The following GRIN2A variants were observed in gnomAD, a reference collection of about 807,000 sequenced individuals.
GRIN2A encodes glutamate receptor ionotropic, NMDA 2A.
A neutral mutation model predicts 113.4 loss-of-function variants in GRIN2A; 22 were observed. That is an observed-to-expected ratio of 0.19 (90% CI 0.14 to 0.28). GRIN2A has a LOEUF of 0.28. GRIN2A is among the 10% of genes least tolerant of loss of function. GRIN2A has a pLI of 1.00. For synonymous variants in GRIN2A, 827 were observed against 738.4 expected (o/e 1.12, Z -1.94); for missense variants, 1,502 against 1,887.0 (o/e 0.80, Z 3.78).
At chr16:10,163,524 T>G (rs961822506) in intron 2 of GRIN2A, among the ~76,000 whole-genome samples, 1 of 152,144 alleles carries the variant, frequency 6.6e-6, no homozygotes, top group Non-Finnish European at 1.5e-5. Context: ...TGTGCACTGG[T>G]GCAGCAGAAC....
chr16:10,175,184 T>A (rs976081106), intron 2 of GRIN2A, among the ~76,000 whole-genome samples: 1 of 152,258 alleles, frequency 6.6e-6, no homozygotes, highest in Non-Finnish European at 1.5e-5. Flanking sequence ...AAGTGCACTC[T>A]GTGATGTTCA....
intron 2 of GRIN2A, among the ~76,000 whole-genome samples, chr16:9,945,403 G>T (rs1364972180): frequency 6.6e-6 from 1 of 152,056 alleles, no homozygotes; most frequent in Non-Finnish European, 1.5e-5. Flanking sequence ...CAAGTTCAGG[G>T]AACAGAAGGA....
chr16:10,044,250 T>A (rs1266605531), intron 2 of GRIN2A, among the ~76,000 whole-genome samples: 1 of 152,120 alleles, frequency 6.6e-6, no homozygotes, highest in South Asian at 2.1e-4. Flanking sequence ...GCCAGGCTGG[T>A]CTTGAAGTCC....
intron 2 of GRIN2A, among the ~76,000 whole-genome samples, chr16:10,149,772 C>T (rs567741283): frequency 6.6e-6 from 1 of 152,332 alleles, no homozygotes; most frequent in Admixed American, 6.5e-5. Context: ...ACTATCCATG[C>T]AGCATCCAGA....
At chr16:10,124,781 A>C (rs1237257750) in intron 2 of GRIN2A, among the ~76,000 whole-genome samples, 1 of 152,188 alleles carries the variant, frequency 6.6e-6, no homozygotes, top group East Asian at 1.9e-4. Context: ...GAAGAGACAG[A>C]AACATGTAAA....
At chr16:9,798,223 G>T in intron 11 of GRIN2A, 54 bp downstream of exon 11, 2 of 1,440,200 alleles carry the variant, frequency 1.4e-6, no homozygotes, top group South Asian at 1.2e-5. Flanking sequence ...AGCAAACAAA[G>T]CGAGTGTGAG....
intron 2 of GRIN2A, among the ~76,000 whole-genome samples, chr16:10,050,664 T>C (rs2047343062): frequency 6.6e-6 from 1 of 152,106 alleles, no homozygotes. Context: ...TATATTATAA[T>C]GTAATAATAG....
At chr16:10,060,325 G>A (rs1049709305) in intron 2 of GRIN2A, among the ~76,000 whole-genome samples, 26 of 152,122 alleles carry the variant, frequency 1.7e-4, no homozygotes, top group Admixed American at 3.9e-4. Context: ...TGTGCTTCAC[G>A]TTTTCTGATG....
chr16:9,829,387 A>G, intron 9 of GRIN2A, 36 bp downstream of exon 9: 1 of 1,388,648 alleles, frequency 7.2e-7, no homozygotes, highest in Non-Finnish European at 1.0e-6. Context: ...AGTTAAGACC[A>G]ACCCTCAGAT....
chr16:9,909,932 TA>T (rs1160577824), intron 3 of GRIN2A, among the ~76,000 whole-genome samples: 36 of 152,324 alleles, frequency 2.4e-4, no homozygotes, highest in African/African-American at 8.7e-4. Context: ...CAAAAAGTAA[TA>T]CATGTATTTC....
Position 10,136,683 on chromosome 16 carries a change from GAAT to G in GRIN2A, c.414+43312_414+43314del, listed in dbSNP as rs766798668. Among the ~76,000 whole-genome samples, 33 of 152,310 alleles carry G rather than the reference GAAT, an allele frequency of 2.2e-4. No individual in the cohort carries two copies. The East Asian group carries it at 6.4e-3, about 29-fold the overall frequency. ...ATCTGTCAGTGGAAATGTCTTGAAA[GAAT>G]AAGTTCACTCCACCTTCACAAGGAT... On this transcript the variant is annotated intron_variant, in intron 2 of 12. Coordinates refer to ENST00000330684, the MANE Select transcript of GRIN2A (RefSeq NM_001134407.3).
chr16:9,765,057 C>G (rs910521055), intron 12 of GRIN2A, 109 bp from the exon 13 acceptor site: 10 of 1,441,228 alleles, frequency 6.9e-6, no homozygotes, highest in Non-Finnish European at 9.6e-6. Flanking sequence ...CTTGCAGGAG[C>G]CCTGGAGAAA....
chr16:9,934,682 A>T (rs1244509777), intron 3 of GRIN2A, among the ~76,000 whole-genome samples: 1 of 148,798 alleles, frequency 6.7e-6, no homozygotes, highest in Non-Finnish European at 1.5e-5. Context: ...TCTGTCTAAA[A>T]AAAAAAAAAA....
chr16:9,931,446 T>C (rs2044592445), intron 3 of GRIN2A, among the ~76,000 whole-genome samples: 1 of 152,222 alleles, frequency 6.6e-6, no homozygotes, highest in Non-Finnish European at 1.5e-5. Flanking sequence ...AAGAGATGTC[T>C]ATCTTACACA....
At chr16:10,144,832 A>T (rs2049401483) in intron 2 of GRIN2A, among the ~76,000 whole-genome samples, 1 of 145,768 alleles carries the variant, frequency 6.9e-6, no homozygotes, top group Admixed American at 7.3e-5. Flanking sequence ...GAGGTGGGAG[A>T]ATTGCTTGTA....
intron 2 of GRIN2A, among the ~76,000 whole-genome samples, chr16:10,116,159 G>T (rs770055511): frequency 6.6e-6 from 1 of 152,214 alleles, no homozygotes; most frequent in African/African-American, 2.4e-5. Context: ...ATGAGATCAC[G>T]TCCTTTGCAG....
intron 2 of GRIN2A, among the ~76,000 whole-genome samples, chr16:10,086,812 G>C (rs902040017): frequency 6.6e-6 from 1 of 152,134 alleles, no homozygotes; most frequent in Non-Finnish European, 1.5e-5. Context: ...AAAATACCCA[G>C]CTCATTCCCA....
intron 2 of GRIN2A, among the ~76,000 whole-genome samples, chr16:10,045,294 T>G (rs2047238761): frequency 6.6e-6 from 1 of 152,202 alleles, no homozygotes; most frequent in Admixed American, 6.5e-5. Flanking sequence ...AGGAAAGTAT[T>G]ATTTTCTTTC....
At chr16:9,949,618 G>A (rs994141657) in intron 2 of GRIN2A, among the ~76,000 whole-genome samples, 2 of 151,918 alleles carry the variant, frequency 1.3e-5, no homozygotes, top group African/African-American at 4.8e-5. Flanking sequence ...GTAGACGGGT[G>A]GGTGGATGGA....
Sources: gnomAD v4.1 joint callset for allele counts (sites outside exome capture counted in the v4.1 genomes callset) on GRCh38, gnomAD v4.1.1 for gene constraint, MANE v1.5 for transcripts, NCBI Gene and HGNC (gene_info 2026-07-23, HGNC 2026-07-21) for gene names.